The following EDN1 variants were observed in gnomAD, a reference collection of about 807,000 sequenced individuals.
The protein encoded by EDN1 is endothelin-1.
In EDN1, 11 loss-of-function variants were observed where a neutral mutation model predicts 21.7. The observed-to-expected ratio is 0.51, with a 90% CI of 0.32 to 0.84. The LOEUF (loss-of-function observed/expected upper bound fraction) is 0.84. EDN1 is among the 40% of genes least tolerant of loss of function. EDN1 has a pLI of 0.03. For synonymous variants in EDN1, 85 were observed against 90.6 expected (o/e 0.94, Z 0.35); for missense variants, 244 against 262.3 (o/e 0.93, Z 0.48).
chr6:12,239,481 A>G, the EDN1 span, among the ~76,000 whole-genome samples: 1 of 152,202 alleles, frequency 6.6e-6, no homozygotes, highest in South Asian at 2.1e-4. Flanking sequence ...GTAAGGCTCC[A>G]GGATCTATCT....
chr6:12,255,667 T>C, the EDN1 span, among the ~76,000 whole-genome samples: 1 of 152,230 alleles, frequency 6.6e-6, no homozygotes, highest in Non-Finnish European at 1.5e-5. Context: ...CCTGAGATAG[T>C]TCCTAGTCAA....
chr6:12,288,156 C>T (rs1762595066), upstream of EDN1, among the ~76,000 whole-genome samples: 1 of 151,818 alleles, frequency 6.6e-6, no homozygotes, highest in African/African-American at 2.4e-5. Context: ...TTGGGGAGGG[C>T]ATGGGCGGTG....
chr6:12,237,405 T>A, the EDN1 span, among the ~76,000 whole-genome samples: 1 of 152,330 alleles, frequency 6.6e-6, no homozygotes, highest in Non-Finnish European at 1.5e-5. Context: ...GAGAAAGTGA[T>A]ACCTAGGCTG....
At chr6:12,285,148 T>C in the EDN1 span, among the ~76,000 whole-genome samples, 1,763 of 152,264 alleles carry the variant, frequency 0.012, 39 homozygotes, top group African/African-American at 0.039. Context: ...TAATACATAA[T>C]CATATCATTA....
the EDN1 span, among the ~76,000 whole-genome samples, chr6:12,256,443 T>A: frequency 6.6e-6 from 1 of 152,050 alleles, no homozygotes; most frequent in South Asian, 2.1e-4. Flanking sequence ...ATGTTTAAAA[T>A]GTTTTTCCTC....
chr6:12,252,623 C>T, the EDN1 span, among the ~76,000 whole-genome samples: 143 of 152,280 alleles, frequency 9.4e-4, 2 homozygotes, highest in African/African-American at 2.9e-3. Context: ...TCTGCAGGAA[C>T]GCAAGGTGGG....
the EDN1 span, among the ~76,000 whole-genome samples, chr6:12,239,932 G>T: frequency 1.7e-3 from 258 of 152,152 alleles, 1 homozygote; most frequent in African/African-American, 6.0e-3. Context: ...AAAGGAAAAA[G>T]AAAGAAAATA....
chr6:12,250,474 C>G, the EDN1 span, among the ~76,000 whole-genome samples: 1 of 152,042 alleles, frequency 6.6e-6, no homozygotes, highest in Non-Finnish European at 1.5e-5. Flanking sequence ...TTCTTGTCTT[C>G]TTATCACTAT....
At chr6:12,282,135 C>T in the EDN1 span, among the ~76,000 whole-genome samples, 1 of 152,132 alleles carries the variant, frequency 6.6e-6, no homozygotes, top group Admixed American at 6.5e-5. Flanking sequence ...GCTCTTTGCT[C>T]CATTTTGTTG....
the EDN1 span, among the ~76,000 whole-genome samples, chr6:12,243,173 G>C: frequency 6.6e-6 from 1 of 152,018 alleles, no homozygotes; most frequent in Non-Finnish European, 1.5e-5. Context: ...AGTAAGTTAA[G>C]AAAAGAAAAT....
the EDN1 span, among the ~76,000 whole-genome samples, chr6:12,266,346 G>T: frequency 6.6e-6 from 1 of 152,182 alleles, no homozygotes; most frequent in African/African-American, 2.4e-5. Flanking sequence ...GGAATGTCAG[G>T]TGTGGGCAAA....
the EDN1 span, among the ~76,000 whole-genome samples, chr6:12,282,465 A>G: frequency 2.6e-5 from 4 of 152,250 alleles, no homozygotes; most frequent in Middle Eastern, 3.2e-3. Flanking sequence ...TGTGCTTTAC[A>G]TACACATTAG....
the EDN1 span, among the ~76,000 whole-genome samples, chr6:12,277,377 G>A: frequency 6.6e-6 from 1 of 152,192 alleles, no homozygotes; most frequent in Non-Finnish European, 1.5e-5. Flanking sequence ...ACCAGGTACT[G>A]TTCTATGTCG....
the EDN1 span, among the ~76,000 whole-genome samples, chr6:12,279,286 A>C: frequency 6.6e-6 from 1 of 152,266 alleles, no homozygotes; most frequent in South Asian, 2.1e-4. Context: ...CAGGTAGCAG[A>C]GGCAGAGAGG....
chr6:12,242,164 A>T, the EDN1 span, among the ~76,000 whole-genome samples: 36,367 of 152,054 alleles, frequency 0.24, 5,192 homozygotes, highest in Non-Finnish European at 0.32. Flanking sequence ...TCGATACCAA[A>T]GGCTTTCTGG....
chr6:12,287,118 A>C (rs371514998), upstream of EDN1, among the ~76,000 whole-genome samples: 5 of 101,354 alleles, frequency 4.9e-5, no homozygotes, highest in Non-Finnish European at 8.0e-5. Context: ...CCCTGTCCCC[A>C]AAAAAATTAA....
the EDN1 span, among the ~76,000 whole-genome samples, chr6:12,247,967 G>A: frequency 9.2e-5 from 14 of 152,068 alleles, no homozygotes; most frequent in Admixed American, 9.2e-4. Flanking sequence ...GATAAATAAA[G>A]TCATAAGGTT....
chr6:12,253,661 A>G, the EDN1 span, among the ~76,000 whole-genome samples: 1 of 152,374 alleles, frequency 6.6e-6, no homozygotes, highest in East Asian at 1.9e-4. Context: ...GTCAAAGGGA[A>G]CAGCATTAAA....
upstream of EDN1, among the ~76,000 whole-genome samples, chr6:12,288,986 T>G (rs1800541): frequency 0.24 from 36,456 of 152,004 alleles, 5,109 homozygotes; most frequent in African/African-American, 0.38. Context: ...TGTGAGCGCT[T>G]TGGTGGAGAA....
Sources: allele counts gnomAD v4.1 joint callset (sites outside exome capture counted in the v4.1 genomes callset), GRCh38; gene constraint gnomAD v4.1.1; transcripts MANE v1.5; gene names NCBI Gene and HGNC (gene_info 2026-07-23, HGNC 2026-07-21).